The following DDX46 variants were observed in gnomAD, a reference collection of about 807,000 sequenced individuals.
DDX46 encodes probable ATP-dependent RNA helicase DDX46.
Under a neutral mutation model 134.9 loss-of-function variants are expected in DDX46, and 30 were observed. The observed-to-expected ratio is 0.22, with a 90% CI of 0.17 to 0.30. The LOEUF is 0.30. Among genes scored for constraint, DDX46 ranks in the 10% least tolerant of loss-of-function variants. DDX46 has a pLI of 1.00. For synonymous variants in DDX46, 415 were observed against 404.1 expected (o/e 1.03, Z -0.32); for missense variants, 622 against 1,248.7 (o/e 0.50, Z 7.56).
At chr5:134,824,779 G>A (rs1755546019) in intron 21 of DDX46, among the ~76,000 whole-genome samples, 1 of 152,196 alleles carries the variant, frequency 6.6e-6, no homozygotes, top group Non-Finnish European at 1.5e-5. Context: ...TGAGCCTAGT[G>A]TCATCTGTTT....
chr5:134,811,413 G>C, intron 17 of DDX46, 55 bp downstream of exon 17: 2 of 1,560,016 alleles, frequency 1.3e-6, no homozygotes, highest in Non-Finnish European at 1.7e-6. Context: ...ACTAAACCTT[G>C]ATTATTTAAT....
At chr5:134,803,597 A>G (rs1754896016) in intron 15 of DDX46, among the ~76,000 whole-genome samples, 1 of 152,184 alleles carries the variant, frequency 6.6e-6, no homozygotes, top group African/African-American at 2.4e-5. Context: ...AGAATCCTCT[A>G]CACTTTGCCA....
At chr5:134,800,821 A>G (rs1054646055) in intron 15 of DDX46, among the ~76,000 whole-genome samples, 2 of 152,080 alleles carry the variant, frequency 1.3e-5, no homozygotes, top group African/African-American at 4.8e-5. Context: ...GATTACCGGC[A>G]TGTGCCACCT....
chr5:134,771,089 CTCTT>C lies in DDX46; in HGVS notation c.447+104_447+107del, dbSNP rs1332907037. The C allele has an allele frequency of 8.3e-4, 456 of 548,658 alleles. 1 individual carries two copies. Among genetic ancestry groups the C allele is most frequent in the African/African-American group, 3.8e-3 (169 of 44,310 alleles). 34.0% of individuals were successfully genotyped at this position (548,658 alleles called of 1,614,324 possible). ...TCTTTCCCTCTTTCTTTCTTTCTTT[CTCTT>C]TCTTTCTTTCTTTTCTGTCTGTCTT... On this transcript the variant is annotated intron_variant, in intron 4 of 22. Transcript: ENST00000452510.
Position 134,771,011 on chromosome 5 carries a change from A to G in DDX46, c.447+12A>G, listed in dbSNP as rs1313131746. The stretch of plus-strand genomic sequence containing the variant: ...AAAAAGATGCTGGCGTATGTTTATT[A>G]ACTTAAAAATAATTTTCTTTCTTTC... On this transcript the variant is annotated intron_variant, in intron 4 of 22. Transcript: ENST00000452510. 1 of 1,043,252 alleles carries G rather than the reference A, an allele frequency of 9.6e-7. No homozygotes were observed. The highest frequency in any genetic ancestry group is 2.5e-5 in the East Asian group (1 of 40,264). The allele number at this position is 1,043,252 out of a possible 1,614,324, so 64.6% of individuals were successfully genotyped here.
intron 5 of DDX46, among the ~76,000 whole-genome samples, chr5:134,776,650 C>G (rs1029397868): frequency 1.3e-5 from 2 of 151,908 alleles, no homozygotes; most frequent in African/African-American, 4.8e-5. Context: ...GGTGCAGTGG[C>G]TCACGCCTGT....
intron 21 of DDX46, among the ~76,000 whole-genome samples, chr5:134,820,864 C>CTTTTTTTTT (rs1180909732): frequency 5.7e-5 from 7 of 123,218 alleles, no homozygotes; most frequent in African/African-American, 9.3e-5. Context: ...CTTTTCTTTT[C>CTTTTTTTTT]TTTTTTTTTT....
chr5:134,779,820 C>T lies in DDX46; in HGVS notation c.766-1313C>T, dbSNP rs1022412677. Among the ~76,000 whole-genome samples the T allele has an allele frequency of 5.9e-5, 9 of 152,214 alleles. No homozygotes were observed. The East Asian group carries it at 1.4e-3, about 23-fold the overall frequency. ...GTAGTTTAAAAATACATAATCATGC[C>T]GGACGTGGTGGCTCATGCCTGTAAT... On this transcript the variant is annotated intron_variant, in intron 6 of 22. Transcript: ENST00000452510.
rs569918759 is a variant in DDX46, at chr5:134,762,307, A to C, written c.18-1597A>C. ...GTGGTGTGTGCCTTTGGTCTCAGCT[A>C]CTCTGGAGATTGAGGTGGAAGGATT... On this transcript the variant is annotated intron_variant, in intron 1 of 22. Transcript: ENST00000452510. 3.3e-5 allele frequency among the ~76,000 whole-genome samples: 5 copies of C among 151,304 alleles called. No individual in the cohort carries two copies. The Admixed American group carries it at 3.3e-4, about 10-fold the overall frequency.
intron 11 of DDX46, among the ~76,000 whole-genome samples, chr5:134,786,405 AT>A (rs149195469): frequency 0.013 from 1,932 of 150,426 alleles, 39 homozygotes; most frequent in African/African-American, 0.045. Flanking sequence ...GAGAAAGCAG[AT>A]TTTTTTTTTC....
Position 134,828,888 on chromosome 5 carries a change from A to G in DDX46, c.*182A>G, listed in dbSNP as rs1182023583. ...CGTAAGTACCCCCACAATCAGTCAA[A>G]CTATATTTAAAGCCAGCCTGTTTTC... On this transcript the variant is annotated 3_prime_UTR_variant, in exon 23 of 23. Transcript: ENST00000452510. The G allele has an allele frequency of 2.6e-6, 1 of 391,416 alleles. No individual in the cohort carries two copies. Among genetic ancestry groups the G allele is most frequent in the African/African-American group, 2.1e-5 (1 of 48,370 alleles). 24.2% of individuals were successfully genotyped at this position (391,416 alleles called of 1,614,324 possible).
chr5:134,769,243 G>A (rs1251412865), intron 3 of DDX46, among the ~76,000 whole-genome samples: 1 of 148,646 alleles, frequency 6.7e-6, no homozygotes. Flanking sequence ...AGTATGTTCA[G>A]TTTTTCTTGG....
chr5:134,786,941 G>A (rs766625193), intron 11 of DDX46, among the ~76,000 whole-genome samples: 8 of 151,956 alleles, frequency 5.3e-5, no homozygotes, highest in Non-Finnish European at 8.8e-5. Context: ...TGTTTTATTG[G>A]AGACAGCATC....
At chr5:134,799,177 A>AT (rs1230858393) in intron 15 of DDX46, among the ~76,000 whole-genome samples, 3 of 152,060 alleles carry the variant, frequency 2.0e-5, no homozygotes, top group South Asian at 2.1e-4. Context: ...TTTGTTTATG[A>AT]TTTTTTTAGC....
rs1754340604 is a variant in DDX46 at position 134,786,544 on chromosome 5, A to G, written c.1464+958A>G. On this transcript the variant is annotated intron_variant, in intron 11 of 22. Transcript: ENST00000452510. ...ATTTGTTTCTCTAATCTATGCTGAC[A>G]TCTTTAAAAAGTGATGGTGGCCAGG... 4.6e-5 allele frequency among the ~76,000 whole-genome samples: 7 copies of G among 152,216 alleles called. No homozygotes were observed. In the South Asian group the frequency reaches 1.5e-3, roughly 32 times the overall value.
chr5:134,811,216 A>C lies in DDX46; in HGVS notation c.2149-5A>C, dbSNP rs1188073914. 6.2e-7 allele frequency: 1 copy of C among 1,613,100 alleles called. No individual in the cohort carries two copies. The highest frequency in any genetic ancestry group is 8.5e-7 in the Non-Finnish European group (1 of 1,179,634). On this transcript the variant is annotated splice_polypyrimidine_tract_variant and splice_region_variant and intron_variant, in intron 16 of 22. Coordinates refer to ENST00000452510, the MANE Select transcript of DDX46 (RefSeq NM_001300860.2). ...TAATAATTGTACTTTTTCATCATGC[A>C]TTAGGGTTATGCTTATACTTTTATC...
intron 3 of DDX46, among the ~76,000 whole-genome samples, chr5:134,770,199 ATTTTTTT>A (rs368105956): frequency 3.1e-5 from 4 of 129,788 alleles, no homozygotes; most frequent in Non-Finnish European, 4.9e-5. Context: ...GCCTGACCAA[ATTTTTTT>A]TTTTTTTTTT....
chr5:134,785,929 A>T (rs943489512), intron 11 of DDX46, among the ~76,000 whole-genome samples: 1 of 151,650 alleles, frequency 6.6e-6, no homozygotes, highest in African/African-American at 2.4e-5. Flanking sequence ...GCTCACTGCA[A>T]CCTCTGCCTC....
chr5:134,795,204 G>GTTTTTTGT (rs1754615921), intron 14 of DDX46, among the ~76,000 whole-genome samples, 190 bp downstream of exon 14: 4 of 125,752 alleles, frequency 3.2e-5, no homozygotes, highest in African/African-American at 1.2e-4. Context: ...TAAAATGCTT[G>GTTTTTTGT]TTTTTTTTTT....
Sources: allele counts gnomAD v4.1 joint callset (sites outside exome capture counted in the v4.1 genomes callset), GRCh38; gene constraint gnomAD v4.1.1; transcripts MANE v1.5; gene names NCBI Gene and HGNC (gene_info 2026-07-23, HGNC 2026-07-21).